Variants in NBEAL1 observed in about 807,000 individuals in gnomAD.
The protein encoded by NBEAL1 is neurobeachin like 1, also known as neurobeachin-like protein 1.
NBEAL1 carries 273 observed loss-of-function variants against 351.3 expected under a neutral mutation model. The ratio of observed to expected loss-of-function variants is 0.78; its 90% CI spans 0.70 to 0.86. The LOEUF (loss-of-function observed/expected upper bound fraction) is 0.86. Among genes scored for constraint, NBEAL1 ranks in the 40% least tolerant of loss-of-function variants. The pLI is 0.00. For missense variants in NBEAL1, 2,961 were observed against 3,201.3 expected (o/e 0.92, Z 1.81); for synonymous variants, 1,050 against 1,086.4 (o/e 0.97, Z 0.66).
intron 39 of NBEAL1, among the ~76,000 whole-genome samples, chr2:203,171,507 A>G (rs1197056717): frequency 6.6e-6 from 1 of 152,130 alleles, no homozygotes; most frequent in Non-Finnish European, 1.5e-5. Context: ...TGGGAGGCTA[A>G]GCCAGGTAGA....
At chr2:203,186,848 T>G (rs530167892) in intron 44 of NBEAL1, among the ~76,000 whole-genome samples, 2 of 152,312 alleles carry the variant, frequency 1.3e-5, no homozygotes, top group Middle Eastern at 6.8e-3. Flanking sequence ...CTTCTCTACT[T>G]TGGGCTGGAT....
rs2061296331 is a variant in NBEAL1, at chr2:203,049,831, C to T, written c.161C>T (p.Pro54Leu). The T allele has an allele frequency of 6.4e-7, 1 of 1,551,808 alleles. No individual in the cohort carries two copies. Among genetic ancestry groups the T allele is most frequent in the South Asian group, 1.2e-5 (1 of 83,986 alleles). The change falls in exon 4 of 56, where the codon CCA becomes CTA. Residue 54 changes from proline (P) to leucine (L), a missense_variant. By Grantham distance (98) the Pro-to-Leu change is moderately conservative (BLOSUM62 -3). Transcript: ENST00000683969. Reference sequence around the variant, plus strand: ...TGTTGTAGGGTAGATGATATGCCTCCAGGAATATCTCTGCTTCCTGATAAT... The same window carrying T: ...TGTTGTAGGGTAGATGATATGCCTCTAGGAATATCTCTGCTTCCTGATAAT... Reference protein sequence around the residue: ...KLPTRVDDMPPGISLLPDNIL... With the variant: ...KLPTRVDDMPLGISLLPDNIL...
At chr2:203,128,620 A>T in intron 24 of NBEAL1, among the ~76,000 whole-genome samples, 1 of 134,196 alleles carries the variant, frequency 7.5e-6, no homozygotes. Flanking sequence ...TTTTTTTGAG[A>T]CAGAGTCTTG....
chr2:203,058,126 G>A (rs1364619639), intron 6 of NBEAL1, among the ~76,000 whole-genome samples: 2 of 152,028 alleles, frequency 1.3e-5, no homozygotes, highest in African/African-American at 4.8e-5. Flanking sequence ...CACCGTGCCC[G>A]GCCTTTGTCC....
intron 7 of NBEAL1, among the ~76,000 whole-genome samples, chr2:203,071,937 GCCAGTGTCA>G (rs1317025277): frequency 6.6e-6 from 1 of 152,124 alleles, no homozygotes; most frequent in Non-Finnish European, 1.5e-5. Flanking sequence ...GCACTGGGTT[GCCAGTGTCA>G]CCCCCCACCC....
intron 46 of NBEAL1, among the ~76,000 whole-genome samples, chr2:203,193,128 C>T (rs1443874199): frequency 1.3e-5 from 2 of 151,752 alleles, no homozygotes; most frequent in Admixed American, 1.3e-4. Context: ...CACACCACTA[C>T]GCCTGACCAA....
intron 12 of NBEAL1, among the ~76,000 whole-genome samples, chr2:203,105,343 G>A (rs1251606968): frequency 6.6e-6 from 1 of 152,016 alleles, no homozygotes; most frequent in Non-Finnish European, 1.5e-5. Flanking sequence ...GCGGGCGCCT[G>A]TAGTCCCAGC....
intron 2 of NBEAL1, among the ~76,000 whole-genome samples, chr2:203,041,563 A>G (rs1009328228): frequency 6.6e-6 from 1 of 152,266 alleles, no homozygotes; most frequent in Non-Finnish European, 1.5e-5. Flanking sequence ...CATTGTTAAG[A>G]TTTTAGCTCT....
chr2:203,072,413 T>TG (rs2061698342), intron 7 of NBEAL1, among the ~76,000 whole-genome samples: 1 of 151,860 alleles, frequency 6.6e-6, no homozygotes, highest in South Asian at 2.1e-4. Flanking sequence ...TTTGTTTGTT[T>TG]TTTTTTTTTT....
At chr2:203,033,497 T>G (rs1261603386) in intron 2 of NBEAL1, among the ~76,000 whole-genome samples, 1 of 152,204 alleles carries the variant, frequency 6.6e-6, no homozygotes, top group Non-Finnish European at 1.5e-5. Context: ...TAATTGAGAA[T>G]CTGGAAGTGG....
In NBEAL1 at chr2:203,172,688, C is replaced by G. The variant is rs1374936362; in HGVS notation, c.6199-41C>G. On this transcript the variant is annotated intron_variant, in intron 40 of 55. Coordinates refer to ENST00000683969, the MANE Select transcript of NBEAL1 (RefSeq NM_001378026.1). Reference sequence around the variant, plus strand: ...ATTAGATATGAGGATATTAGCTTCTCTAGGAAGGAATGTCTAAATTGTAAA... The same window carrying G: ...ATTAGATATGAGGATATTAGCTTCTGTAGGAAGGAATGTCTAAATTGTAAA... 7 of 1,571,570 alleles carry G rather than the reference C, an allele frequency of 4.5e-6. No individual in the cohort carries two copies. In the African/African-American group the frequency reaches 5.5e-5, roughly 12 times the overall value.
intron 2 of NBEAL1, among the ~76,000 whole-genome samples, chr2:203,028,225 C>T (rs190340352): frequency 7.3e-5 from 11 of 151,178 alleles, no homozygotes; most frequent in Non-Finnish European, 1.0e-4. Context: ...GCTATGTTGC[C>T]CAGGCTGATC....
At chr2:203,165,435 A>G (rs1411370989) in intron 36 of NBEAL1, among the ~76,000 whole-genome samples, 2 of 152,186 alleles carry the variant, frequency 1.3e-5, no homozygotes, top group East Asian at 3.8e-4. Flanking sequence ...TATTATTTAC[A>G]AACACCACTA....
chr2:203,190,840 G>C, intron 46 of NBEAL1: 2 of 1,610,904 alleles, frequency 1.2e-6, no homozygotes, highest in Non-Finnish European at 8.5e-7. Context: ...CACCGGAGGT[G>C]AAGTCGGTGC....
At chr2:203,133,983 G>T (rs2063138654) in intron 27 of NBEAL1, among the ~76,000 whole-genome samples, 1 of 151,936 alleles carries the variant, frequency 6.6e-6, no homozygotes, top group African/African-American at 2.4e-5. Flanking sequence ...ATAAACTGCT[G>T]TTATGAATGT....
chr2:203,199,739 C>G (rs944620415), intron 49 of NBEAL1, among the ~76,000 whole-genome samples: 1 of 151,926 alleles, frequency 6.6e-6, no homozygotes, highest in Non-Finnish European at 1.5e-5. Flanking sequence ...CCTCAGCCTC[C>G]CCAAGTGCTG....
intron 3 of NBEAL1, among the ~76,000 whole-genome samples, chr2:203,049,599 C>T (rs959741766): frequency 5.9e-5 from 9 of 152,152 alleles, no homozygotes; most frequent in Admixed American, 4.6e-4. Flanking sequence ...CTCTAATAAT[C>T]TTCTAGTTAC....
At chr2:203,047,372 CTG>C (rs986719142) in intron 3 of NBEAL1, among the ~76,000 whole-genome samples, 9 of 152,062 alleles carry the variant, frequency 5.9e-5, no homozygotes, top group Middle Eastern at 3.2e-3. Context: ...TATTTTGTAT[CTG>C]TTTTATTAAA....
intron 7 of NBEAL1, among the ~76,000 whole-genome samples, chr2:203,076,926 A>G (rs1559349410): frequency 1.3e-5 from 2 of 152,078 alleles, no homozygotes; most frequent in African/African-American, 2.4e-5. Flanking sequence ...TACACCTCTC[A>G]TTAGTAAAAA....
Sources: allele counts gnomAD v4.1 joint callset (sites outside exome capture counted in the v4.1 genomes callset), GRCh38; gene constraint gnomAD v4.1.1; transcripts MANE v1.5; gene names NCBI Gene and HGNC (gene_info 2026-07-23, HGNC 2026-07-21).